Variants in REEP1 observed in about 807,000 individuals in gnomAD.
The protein encoded by REEP1 is receptor expression-enhancing protein 1.
In REEP1, 22 loss-of-function variants were observed where a neutral mutation model predicts 40.3. The observed-to-expected ratio is 0.55, with a 90% CI of 0.39 to 0.78. REEP1 has a LOEUF of 0.78. Ranked by LOEUF, REEP1 falls within the 30% of genes least tolerant of loss-of-function variation. The pLI is 0.00. For synonymous variants in REEP1, 116 were observed against 139.2 expected, an observed-to-expected ratio of 0.83 and a Z score of 1.17; for missense variants, 280 against 361.1, an observed-to-expected ratio of 0.78 and a Z score of 1.82.
intron 5 of REEP1, among the ~76,000 whole-genome samples, chr2:86,238,999 A>G (rs1372869442): frequency 1.3e-5 from 2 of 152,122 alleles, no homozygotes; most frequent in Non-Finnish European, 2.9e-5. Flanking sequence ...CAACCATGCC[A>G]GTAGAAGGCA....
intron 1 of REEP1, among the ~76,000 whole-genome samples, chr2:86,310,712 T>TCC (rs765537390): frequency 6.6e-6 from 1 of 151,644 alleles, no homozygotes; most frequent in Non-Finnish European, 1.5e-5. Context: ...CCCCTTTCTC[T>TCC]CTCTCTCTCT....
At chr2:86,309,511 T>C (rs1180425317) in intron 1 of REEP1, among the ~76,000 whole-genome samples, 2 of 152,252 alleles carry the variant, frequency 1.3e-5, no homozygotes, top group African/African-American at 4.8e-5. Flanking sequence ...CTTGAATTCG[T>C]CAGCTCAGGC....
chr2:86,306,458 T>C (rs1679483200), intron 1 of REEP1, among the ~76,000 whole-genome samples: 1 of 152,168 alleles, frequency 6.6e-6, no homozygotes, highest in African/African-American at 2.4e-5. Flanking sequence ...AATAAAATAC[T>C]CCCAGTTTGC....
At chr2:86,320,881 C>A (rs1169371649) in intron 1 of REEP1, among the ~76,000 whole-genome samples, 2 of 152,194 alleles carry the variant, frequency 1.3e-5, no homozygotes, top group Non-Finnish European at 2.9e-5. Context: ...TGCAATGGCA[C>A]GATCTCGGCT....
intron 5 of REEP1, among the ~76,000 whole-genome samples, chr2:86,240,639 G>A (rs1174570765): frequency 6.6e-6 from 1 of 152,202 alleles, no homozygotes; most frequent in East Asian, 1.9e-4. Flanking sequence ...CAGCCTGGGA[G>A]AACTGGGCTT....
intron 1 of REEP1, among the ~76,000 whole-genome samples, chr2:86,291,694 T>C (rs541411482): frequency 1.3e-5 from 2 of 152,130 alleles, no homozygotes; most frequent in South Asian, 4.2e-4. Flanking sequence ...AAAGCCCTTC[T>C]CCTATCCAAC....
intron 1 of REEP1, among the ~76,000 whole-genome samples, chr2:86,294,674 A>G (rs1401526715): frequency 6.6e-6 from 1 of 152,130 alleles, no homozygotes; most frequent in Non-Finnish European, 1.5e-5. Context: ...GCTGTATATT[A>G]TGTTCTATTA....
chr2:86,266,783 G>A (rs1677164878), intron 2 of REEP1, among the ~76,000 whole-genome samples: 1 of 151,356 alleles, frequency 6.6e-6, no homozygotes, highest in Non-Finnish European at 1.5e-5. Context: ...CGAGGTGGGT[G>A]GATCACGAGG....
At position 86,238,998 on chromosome 2, in the gene REEP1, C is replaced by A. The variant is rs574700719; in HGVS notation, c.418-6196G>T. Among the ~76,000 whole-genome samples the A allele has an allele frequency of 3.9e-5, 6 of 151,984 alleles. No homozygotes were observed. In the East Asian group the frequency reaches 1.2e-3, roughly 29 times the overall value. On this transcript the variant is annotated intron_variant, in intron 5 of 8. Coordinates refer to ENST00000538924, the MANE Select transcript of REEP1 (RefSeq NM_001371279.1). ...GTGGTTTCTTCGTAAACAACCATGCCAGTAGAAGGCAGGGGTAAGAGTAAG... is the reference window on the plus strand; with the variant it reads ...GTGGTTTCTTCGTAAACAACCATGCAAGTAGAAGGCAGGGGTAAGAGTAAG...
At chr2:86,249,298 A>G (rs1156525893) in intron 5 of REEP1, among the ~76,000 whole-genome samples, 2 of 151,780 alleles carry the variant, frequency 1.3e-5, no homozygotes, top group Non-Finnish European at 2.9e-5. Flanking sequence ...GTCCCATCAT[A>G]GTATTTCTCA....
intron 1 of REEP1, among the ~76,000 whole-genome samples, chr2:86,298,648 C>T (rs1273120577): frequency 6.6e-6 from 1 of 152,228 alleles, no homozygotes; most frequent in Non-Finnish European, 1.5e-5. Flanking sequence ...ACTGGGCCCT[C>T]TACCCTCCAC....
chr2:86,228,502 A>G (rs1674843156), intron 6 of REEP1, among the ~76,000 whole-genome samples: 1 of 149,216 alleles, frequency 6.7e-6, no homozygotes, highest in Non-Finnish European at 1.5e-5. Context: ...CTTGTTGCCC[A>G]GGCTGGAGTG....
At chr2:86,300,560 C>A (rs888836966) in intron 1 of REEP1, among the ~76,000 whole-genome samples, 1 of 152,026 alleles carries the variant, frequency 6.6e-6, no homozygotes, top group African/African-American at 2.4e-5. Context: ...AGAGAGAGTA[C>A]CAGACACACA....
At chr2:86,228,888 C>G (rs147012471) in intron 6 of REEP1, among the ~76,000 whole-genome samples, 32 of 152,316 alleles carry the variant, frequency 2.1e-4, no homozygotes, top group African/African-American at 7.7e-4. Context: ...CATATAAACT[C>G]CGTATTGTTA....
intron 7 of REEP1, among the ~76,000 whole-genome samples, chr2:86,227,158 A>T (rs1362419824): frequency 1.3e-5 from 2 of 152,204 alleles, no homozygotes; most frequent in Non-Finnish European, 2.9e-5. Flanking sequence ...CCTGAGCTAG[A>T]ACCACCCAGT....
chr2:86,294,296 G>A (rs906576412), intron 1 of REEP1, among the ~76,000 whole-genome samples: 4 of 152,126 alleles, frequency 2.6e-5, no homozygotes, highest in Non-Finnish European at 5.9e-5. Flanking sequence ...TTTATGTCAT[G>A]TGCTTTTATC....
intron 5 of REEP1, among the ~76,000 whole-genome samples, chr2:86,244,694 C>T (rs541589482): frequency 6.6e-6 from 1 of 152,308 alleles, no homozygotes; most frequent in African/African-American, 2.4e-5. Context: ...GGGTGGGTGT[C>T]CTTTTGAAGC....
chr2:86,328,977 G>A (rs773003162), intron 1 of REEP1, among the ~76,000 whole-genome samples: 5 of 152,184 alleles, frequency 3.3e-5, no homozygotes, highest in Non-Finnish European at 5.9e-5. Context: ...CTTGGTACCC[G>A]GGTTCCAGGA....
intron 1 of REEP1, chr2:86,297,873 A>T (rs1459677468): frequency 4.5e-6 from 1 of 222,004 alleles, no homozygotes; most frequent in Non-Finnish European, 7.6e-6. Context: ...TGACAAGTTC[A>T]CACTGTTCCC....
Sources: gnomAD v4.1 joint callset for allele counts (sites outside exome capture counted in the v4.1 genomes callset) on GRCh38, gnomAD v4.1.1 for gene constraint, MANE v1.5 for transcripts, NCBI Gene and HGNC (gene_info 2026-07-23, HGNC 2026-07-21) for gene names.